Variants in IL17B observed in about 807,000 individuals in gnomAD.
IL17B encodes the protein interleukin-17B.
Under a neutral mutation model 14.7 loss-of-function variants are expected in IL17B, and 14 were observed. The observed-to-expected ratio is 0.95, with a 90% CI of 0.63 to 1.49. The LOEUF is 1.49. Ranked by LOEUF, IL17B falls within the 40% of genes most tolerant of loss-of-function variation. IL17B has a pLI of 0.00. For synonymous variants in IL17B, 105 were observed against 94.8 expected, an observed-to-expected ratio of 1.11 and a Z score of -0.62; for missense variants, 233 against 252.8, an observed-to-expected ratio of 0.92 and a Z score of 0.53.
At chr5:149,382,675 G>A (rs1004735106), upstream of IL17B, among the ~76,000 whole-genome samples, 4 of 152,216 alleles carry the variant, frequency 2.6e-5, no homozygotes, top group Non-Finnish European at 5.9e-5. Context: ...GGAGAGGGGC[G>A]GCAGCCAGGG....
chr5:149,385,968 C>T (rs1374058199), intron 1 of IL17B, among the ~76,000 whole-genome samples: 3 of 152,142 alleles, frequency 2.0e-5, no homozygotes, highest in Non-Finnish European at 4.4e-5. Context: ...CCTGGGGGCT[C>T]ATGGGTGGCA....
Position 149,376,930 on chromosome 5 carries a change from GGCCAGGGGCCCAGGCC to G in IL17B, c.101_116del (p.Arg34ProfsTer15). The G allele has an allele frequency of 6.2e-7, 1 of 1,613,868 alleles. No homozygotes were observed. Among genetic ancestry groups the G allele is most frequent in the Non-Finnish European group, 8.5e-7 (1 of 1,179,914 alleles). On this transcript the variant is annotated frameshift_variant, in exon 2 of 3. Coordinates refer to ENST00000261796, the MANE Select transcript of IL17B (RefSeq NM_014443.3). LOFTEE classifies it high-confidence loss of function. ...CCAGTGGCACCTGGTGAGGGCCAGG[GGCCAGGGGCCCAGGCC>G]GCCCTTGCCCCTTCCTCTTGCTTTT...
intron 1 of IL17B, among the ~76,000 whole-genome samples, chr5:149,391,486 T>C (rs1561716317): frequency 6.6e-6 from 1 of 152,172 alleles, no homozygotes; most frequent in African/African-American, 2.4e-5. Flanking sequence ...AATCAGAGAA[T>C]GCAGGGAATT....
chr5:149,375,368 T>C (rs1758498582), intron 2 of IL17B, among the ~76,000 whole-genome samples: 1 of 152,180 alleles, frequency 6.6e-6, no homozygotes, highest in Non-Finnish European at 1.5e-5. Context: ...AGGAAGTGGG[T>C]GAACTGGACC....
intron 1 of IL17B, among the ~76,000 whole-genome samples, chr5:149,401,846 T>C (rs1281911075): frequency 6.6e-6 from 1 of 152,196 alleles, no homozygotes. Context: ...TATAGTGAAG[T>C]AAGCCCAAAT....
chr5:149,381,393 C>T (rs1758692048), upstream of IL17B, among the ~76,000 whole-genome samples: 1 of 152,258 alleles, frequency 6.6e-6, no homozygotes, highest in Non-Finnish European at 1.5e-5. Flanking sequence ...CTGGCCCCCT[C>T]CTCCCACCCA....
chr5:149,392,384 A>C (rs576420726), intron 1 of IL17B, among the ~76,000 whole-genome samples: 2 of 152,374 alleles, frequency 1.3e-5, no homozygotes, highest in Admixed American at 1.3e-4. Context: ...GTGGAACCCT[A>C]TCCAACCATT....
intron 1 of IL17B, among the ~76,000 whole-genome samples, chr5:149,396,527 A>G (rs187014350): frequency 5.9e-4 from 90 of 152,296 alleles, no homozygotes; most frequent in African/African-American, 2.0e-3. Flanking sequence ...AGGCTGAGGC[A>G]GGTGGAATGC....
intron 1 of IL17B, among the ~76,000 whole-genome samples, chr5:149,402,066 C>G (rs1164318188): frequency 1.3e-5 from 2 of 152,220 alleles, no homozygotes; most frequent in Non-Finnish European, 2.9e-5. Context: ...TGCAGCCCAG[C>G]TGCTCTCTAC....
intron 1 of IL17B, among the ~76,000 whole-genome samples, chr5:149,392,961 T>TGC (rs1434775463): frequency 2.7e-5 from 4 of 149,884 alleles, no homozygotes; most frequent in South Asian, 2.1e-4. Flanking sequence ...CGTGTGTGCG[T>TGC]GTGTGTGCGC....
intron 1 of IL17B, among the ~76,000 whole-genome samples, chr5:149,396,342 T>TA (rs1389585217): frequency 1.3e-5 from 2 of 152,220 alleles, no homozygotes; most frequent in Non-Finnish European, 2.9e-5. Flanking sequence ...TGATCTTTTT[T>TA]AAAAAAACAG....
chr5:149,402,688 T>TAAAA (rs201335439), intron 1 of IL17B, among the ~76,000 whole-genome samples: 2 of 118,428 alleles, frequency 1.7e-5, no homozygotes, highest in African/African-American at 3.7e-5. Context: ...TACCATGCTT[T>TAAAA]TAAAAAAAAA....
chr5:149,387,775 CA>C (rs57775228), intron 1 of IL17B, among the ~76,000 whole-genome samples: 35,593 of 81,410 alleles, frequency 0.44, 4,414 homozygotes, highest in African/African-American at 0.53. Context: ...GCCCCTGTCT[CA>C]AAAAAAAAAA....
intron 1 of IL17B, among the ~76,000 whole-genome samples, chr5:149,398,139 A>T (rs1241550440): frequency 6.6e-6 from 1 of 152,204 alleles, no homozygotes; most frequent in East Asian, 1.9e-4. Context: ...TCAACTTGGC[A>T]CCAAGACACA....
chr5:149,385,928 A>G (rs1277100860), intron 1 of IL17B, among the ~76,000 whole-genome samples: 1 of 152,144 alleles, frequency 6.6e-6, no homozygotes, highest in Non-Finnish European at 1.5e-5. Context: ...AAACGTCAAC[A>G]TCTCCCAGCA....
chr5:149,375,660 G>A (rs749555983), intron 2 of IL17B, among the ~76,000 whole-genome samples: 20 of 152,302 alleles, frequency 1.3e-4, no homozygotes, highest in Admixed American at 7.2e-4. Flanking sequence ...GCCAAGGCAG[G>A]TGGATTGCTT....
chr5:149,378,182 G>A (rs1024838569), intron 1 of IL17B, among the ~76,000 whole-genome samples: 4 of 152,176 alleles, frequency 2.6e-5, no homozygotes, highest in Admixed American at 6.5e-5. Context: ...CGAATGGAAT[G>A]TTGATTAAGA....
rs1758552939 is a variant in IL17B, at chr5:149,376,782, G to A, written c.265C>T (p.Gln89Ter). ...LAQRKCEVNL[Q>*]LWMSNKRSLS... ...CTCCTCTTGTTGGACATCCACAGCT[G>A]CAAGTTGACCTCACACTTTCTCTGG... Residue 89 changes from glutamine to a stop codon, truncating the protein, a stop_gained, in exon 2 of 3, where the codon CAG becomes TAG. Coordinates refer to ENST00000261796, the MANE Select transcript of IL17B (RefSeq NM_014443.3). LOFTEE classifies it high-confidence loss of function. 6.2e-7 allele frequency: 1 copy of A among 1,613,686 alleles called. No individual in the cohort carries two copies. The highest frequency in any genetic ancestry group is 1.7e-5 in the Admixed American group (1 of 59,962).
intron 1 of IL17B, among the ~76,000 whole-genome samples, chr5:149,395,338 A>G (rs927221235): frequency 1.3e-5 from 2 of 152,194 alleles, no homozygotes; most frequent in African/African-American, 4.8e-5. Flanking sequence ...GCAATGACAC[A>G]TGCATGTGTC....
Sources: gnomAD v4.1 joint callset for allele counts (sites outside exome capture counted in the v4.1 genomes callset) on GRCh38, gnomAD v4.1.1 for gene constraint, MANE v1.5 for transcripts, NCBI Gene and HGNC (gene_info 2026-07-23, HGNC 2026-07-21) for gene names.